Variants in B4GALT1 observed in about 807,000 individuals in gnomAD.
B4GALT1 encodes N-acetyllactosamine synthase.
In B4GALT1, 16 loss-of-function variants were observed where a neutral mutation model predicts 34.9. That is an observed-to-expected ratio of 0.46 (90% CI 0.31 to 0.70). The LOEUF (loss-of-function observed/expected upper bound fraction) is 0.70, where lower values mean the gene tolerates loss of function less well. Among genes scored for constraint, B4GALT1 ranks in the 30% least tolerant of loss-of-function variants. The pLI is 0.05. For synonymous variants in B4GALT1, 221 were observed against 218.1 expected (o/e 1.01, Z -0.12); for missense variants, 445 against 530.5 (o/e 0.84, Z 1.58).
Position 33,116,552 on chromosome 9 carries a change from G to A in B4GALT1, c.837-439C>T, listed in dbSNP as rs1240053969. On this transcript the variant is annotated intron_variant, in intron 3 of 5. Coordinates refer to ENST00000379731, the MANE Select transcript of B4GALT1 (RefSeq NM_001497.4). Reference sequence around the variant, plus strand: ...TTTTTTTTTTTTTTGAAGGAGTCTCGCTCTGTAGCCCAGGCTGGAGTACAA... The same window carrying A: ...TTTTTTTTTTTTTTGAAGGAGTCTCACTCTGTAGCCCAGGCTGGAGTACAA... Among the ~76,000 whole-genome samples the A allele has an allele frequency of 6.4e-5, 7 of 108,768 alleles. No individual in the cohort carries two copies. In the South Asian group the frequency reaches 1.2e-3, roughly 18 times the overall value. 71.4% of individuals were successfully genotyped at this position (108,768 alleles called of 152,430 possible).
In B4GALT1 at chr9:33,161,005, T is replaced by C. The variant is rs183172241; in HGVS notation, c.412+5753A>G. 2.4e-3 allele frequency among the ~76,000 whole-genome samples: 354 copies of C among 149,070 alleles called. 2 individuals are homozygous for C. The highest frequency in any genetic ancestry group is 8.2e-3 in the African/African-American group (336 of 40,882). ...TACCCCTATCCCTATCCCCAACATC[T>C]CTGTGAGGCAAGTCATTCTCTCTCT... On this transcript the variant is annotated intron_variant, in intron 1 of 5. Transcript: ENST00000379731.
intron 2 of B4GALT1, among the ~76,000 whole-genome samples, chr9:33,105,260 C>T (rs1839787520): frequency 6.6e-6 from 1 of 152,190 alleles, no homozygotes; most frequent in African/African-American, 2.4e-5. Flanking sequence ...CTGCCTCAGC[C>T]TCCCTAGTAG....
chr9:33,138,354 A>T (rs7849148), intron 1 of B4GALT1, among the ~76,000 whole-genome samples: 54,926 of 152,004 alleles, frequency 0.36, 10,472 homozygotes, highest in East Asian at 0.59. Flanking sequence ...CTGCAGGGAC[A>T]GGACTGGATG....
At chr9:33,174,981 AAAAAAAAAAATATATATATATAT>A in the B4GALT1 span, among the ~76,000 whole-genome samples, 2 of 41,446 alleles carry the variant, frequency 4.8e-5, no homozygotes, top group East Asian at 5.5e-4. Context: ...AAAAAAAAAA[AAAAAAAAAAATATATATATATAT>A]ATATATATAT....
upstream of B4GALT1, among the ~76,000 whole-genome samples, chr9:33,167,574 G>T (rs769148686): frequency 1.3e-4 from 20 of 152,220 alleles, no homozygotes; most frequent in Non-Finnish European, 2.6e-4. Context: ...TCTTCCTCCC[G>T]AGCCTTTGCG....
At chr9:33,156,349 G>A (rs1447866319) in intron 1 of B4GALT1, among the ~76,000 whole-genome samples, 1 of 152,164 alleles carries the variant, frequency 6.6e-6, no homozygotes, top group Non-Finnish European at 1.5e-5. Context: ...GGCCAGGCTG[G>A]TCTCAAACTC....
chr9:33,124,236 G>T (rs1450145990), intron 2 of B4GALT1, among the ~76,000 whole-genome samples: 1 of 152,174 alleles, frequency 6.6e-6, no homozygotes, highest in Non-Finnish European at 1.5e-5. Flanking sequence ...CACAAGAGGC[G>T]GGAAGACGCC....
rs755225132 is a variant in B4GALT1, at chr9:33,113,822, C to T, written c.1016G>A (p.Arg339His). The T allele has an allele frequency of 2.0e-5, 32 of 1,614,002 alleles. No homozygotes were observed. The highest frequency in any genetic ancestry group is 2.7e-5 in the African/African-American group (2 of 74,900). Residue 339 changes from arginine (R) to histidine (H), a missense_variant, in exon 5 of 6, where the codon CGC becomes CAC. Arg to His is a conservative substitution (Grantham distance 29). Coordinates refer to ENST00000379731, the MANE Select transcript of B4GALT1 (RefSeq NM_001497.4). ...CTTGTCTCTTGAGTGGCGGATCATG[C>T]GACACCTCCCGACCACAGCATTTGG... Reference protein sequence around the residue: ...SRPNAVVGRCRMIRHSRDKKN... With the variant: ...SRPNAVVGRCHMIRHSRDKKN...
intron 1 of B4GALT1, among the ~76,000 whole-genome samples, chr9:33,143,094 G>C (rs548113630): frequency 5.9e-5 from 9 of 152,148 alleles, no homozygotes; most frequent in Admixed American, 1.3e-4. Flanking sequence ...GCAGTGAGCC[G>C]AGATCATGCC....
intron 3 of B4GALT1, 112 bp downstream of exon 3, chr9:33,120,307 G>C (rs1037927189): frequency 4.2e-6 from 5 of 1,185,238 alleles, no homozygotes; most frequent in Non-Finnish European, 6.3e-6. Context: ...TCTCAGAGGA[G>C]GCATTCTGCT....
chr9:33,162,721 C>G (rs1016705756), intron 1 of B4GALT1, among the ~76,000 whole-genome samples: 1 of 152,204 alleles, frequency 6.6e-6, no homozygotes, highest in Admixed American at 6.5e-5. Flanking sequence ...TTGGCTCTTA[C>G]TCCCCATTCC....
At chr9:33,123,629 A>G (rs10738905) in intron 2 of B4GALT1, among the ~76,000 whole-genome samples, 57,116 of 152,088 alleles carry the variant, frequency 0.38, 11,506 homozygotes, top group East Asian at 0.59. Context: ...CAACAACTGC[A>G]GCAGAGGGCT....
chr9:33,108,235 A>G (rs188368988), downstream of B4GALT1, among the ~76,000 whole-genome samples: 1 of 152,276 alleles, frequency 6.6e-6, no homozygotes, highest in East Asian at 1.9e-4. Context: ...CCAGAAACTG[A>G]GGCAGGATTA....
In B4GALT1 at chr9:33,146,524, G is replaced by A. The variant is rs148143135; in HGVS notation, c.413-11100C>T. Among the ~76,000 whole-genome samples the A allele has an allele frequency of 1.7e-3, 264 of 152,206 alleles. 1 individual carries two copies. The highest frequency in any genetic ancestry group is 6.0e-3 in the African/African-American group (249 of 41,514). ...AGCCAGTCACTGACAAGTAGCCCAG[G>A]AAGAATTCCAGAGTCACACTTACCA... On this transcript the variant is annotated intron_variant, in intron 1 of 5. Coordinates refer to ENST00000379731, the MANE Select transcript of B4GALT1 (RefSeq NM_001497.4).
chr9:33,119,106 C>T (rs1038956835), intron 3 of B4GALT1, among the ~76,000 whole-genome samples: 8 of 152,168 alleles, frequency 5.3e-5, no homozygotes, highest in African/African-American at 1.9e-4. Context: ...AGGTGATCTG[C>T]CCGCCTCGGC....
At chr9:33,128,253 AAAG>A (rs1840141792) in intron 2 of B4GALT1, among the ~76,000 whole-genome samples, 2 of 152,216 alleles carry the variant, frequency 1.3e-5, no homozygotes, top group African/African-American at 4.8e-5. Context: ...GGAAAACAAA[AAAG>A]AAGAAAAAGA....
At chr9:33,120,344 C>A in intron 3 of B4GALT1, 75 bp downstream of exon 3, 1 of 1,539,900 alleles carries the variant, frequency 6.5e-7, no homozygotes, top group Non-Finnish European at 9.0e-7. Context: ...CACTCTTGAG[C>A]TGCCAGGACT....
intron 1 of B4GALT1, among the ~76,000 whole-genome samples, chr9:33,143,094 G>A (rs548113630): frequency 2.0e-5 from 3 of 152,266 alleles, no homozygotes; most frequent in South Asian, 2.1e-4. Flanking sequence ...GCAGTGAGCC[G>A]AGATCATGCC....
chr9:33,168,211 G>A (rs2118363228), upstream of B4GALT1, among the ~76,000 whole-genome samples: 1 of 152,362 alleles, frequency 6.6e-6, no homozygotes. Flanking sequence ...CAGCTGGCAA[G>A]AGGCAGAATT....
Sources: gnomAD v4.1 joint callset for allele counts (sites outside exome capture counted in the v4.1 genomes callset) on GRCh38, gnomAD v4.1.1 for gene constraint, MANE v1.5 for transcripts, NCBI Gene and HGNC (gene_info 2026-07-23, HGNC 2026-07-21) for gene names.